GNG4: variants seen among roughly 807,000 people sequenced by gnomAD.
GNG4 encodes the protein guanine nucleotide-binding protein G(I)/G(S)/G(O) subunit gamma-4.
A neutral mutation model predicts 5.8 loss-of-function variants in GNG4; 4 were observed. The observed-to-expected ratio is 0.69, with a 90% CI of 0.34 to 1.57. GNG4 has a LOEUF of 1.57. GNG4 is among the 40% of genes most tolerant of loss of function. The pLI is 0.06. For missense variants in GNG4, 96 were observed against 95.1 expected, an observed-to-expected ratio of 1.01 and a Z score of -0.04; for synonymous variants, 29 against 32.9, an observed-to-expected ratio of 0.88 and a Z score of 0.41.
rs1029682777 is a variant in GNG4 at position 235,649,234 on chromosome 1, C to A, written c.-123+428G>T. ...GCCAGAAACATTTCCCCAAAGAAAA[C>A]GCCCAACCAGCCACGCCATCTCCTG... is the stretch of plus-strand genomic sequence containing the variant. On this transcript the variant is annotated intron_variant, in intron 1 of 3. Coordinates refer to ENST00000391854, the MANE Select transcript of GNG4 (RefSeq NM_001098722.2). This position sits in a 1 kb window ranked among gnomAD's most constrained non-coding sequence, Gnocchi z 5.7. 6.6e-6 allele frequency among the ~76,000 whole-genome samples: 1 copy of A among 152,216 alleles called. No individual in the cohort carries two copies. The highest frequency in any genetic ancestry group is 1.5e-5 in the Non-Finnish European group (1 of 68,032).
At chr1:235,578,978 TC>T (rs1400879620) in intron 3 of GNG4, among the ~76,000 whole-genome samples, 2 of 151,308 alleles carry the variant, frequency 1.3e-5, no homozygotes, top group African/African-American at 2.4e-5. Flanking sequence ...ACACTTGTAA[TC>T]CCAGCTACTT....
At chr1:235,578,793 G>C (rs960632117) in intron 3 of GNG4, among the ~76,000 whole-genome samples, 2 of 152,096 alleles carry the variant, frequency 1.3e-5, no homozygotes, top group Non-Finnish European at 2.9e-5. Context: ...GAGAGATGTT[G>C]GTCAAAGGAC....
intron 1 of GNG4, among the ~76,000 whole-genome samples, chr1:235,625,890 AT>A (rs1250300140): frequency 6.6e-6 from 1 of 152,232 alleles, no homozygotes; most frequent in Non-Finnish European, 1.5e-5. Context: ...TAAAGCTGCT[AT>A]AAACATCTGT....
intron 1 of GNG4, among the ~76,000 whole-genome samples, chr1:235,618,872 T>C (rs968499415): frequency 1.3e-5 from 2 of 151,346 alleles, no homozygotes; most frequent in Non-Finnish European, 2.9e-5. Context: ...GCCGGGCTGG[T>C]CTCGAACTCC....
intron 1 of GNG4, among the ~76,000 whole-genome samples, chr1:235,634,363 G>C (rs1047985899): frequency 1.1e-4 from 17 of 152,194 alleles, no homozygotes; most frequent in African/African-American, 4.1e-4. Flanking sequence ...GGAGACAAAG[G>C]CTTCCTGGGG....
intron 3 of GNG4, chr1:235,566,520 G>A (rs559559683): frequency 5.0e-5 from 8 of 159,684 alleles, no homozygotes; most frequent in Middle Eastern, 3.0e-3. Context: ...ATTATGGTGA[G>A]TATGTAATAA....
intron 1 of GNG4, among the ~76,000 whole-genome samples, chr1:235,630,288 A>G (rs976812514): frequency 6.6e-6 from 1 of 152,196 alleles, no homozygotes; most frequent in Non-Finnish European, 1.5e-5. Context: ...TTGTGGGACT[A>G]TTTCAGAAAG....
At chr1:235,620,524 GTT>G (rs926198304) in intron 1 of GNG4, among the ~76,000 whole-genome samples, 1 of 134,750 alleles carries the variant, frequency 7.4e-6, no homozygotes, top group African/African-American at 3.4e-5. Context: ...TGAATGTGCA[GTT>G]TGTTTGTTTG....
chr1:235,617,218 A>G (rs1419128884), intron 1 of GNG4, among the ~76,000 whole-genome samples: 8 of 152,192 alleles, frequency 5.3e-5, no homozygotes, highest in Non-Finnish European at 7.3e-5. Context: ...CTCTTCTTAC[A>G]GAGAAGATGC....
rs557062945 is a variant in GNG4 at position 235,557,774 on chromosome 1, A to G, written c.100-5537T>C. On this transcript the variant is annotated intron_variant, in intron 3 of 3. Coordinates refer to ENST00000391854, the MANE Select transcript of GNG4 (RefSeq NM_001098722.2). ...AGCATTAAAGGAGTGGGCTCAAAAA[A>G]TGTCGGGGCTTCGGGGGACAGCTCA... is the stretch of plus-strand genomic sequence containing the variant. 4.6e-5 allele frequency among the ~76,000 whole-genome samples: 7 copies of G among 152,316 alleles called. No individual in the cohort carries two copies. The South Asian group carries it at 1.4e-3, about 32-fold the overall frequency.
At chr1:235,637,378 C>T (rs971497195) in intron 1 of GNG4, among the ~76,000 whole-genome samples, 1 of 152,116 alleles carries the variant, frequency 6.6e-6, no homozygotes, top group Non-Finnish European at 1.5e-5. Context: ...TGAGGCTGGG[C>T]GCGGTGGCTC....
rs1044044324 is a variant in GNG4 at position 235,642,662 on chromosome 1, T to A, written c.-123+7000A>T. Among the ~76,000 whole-genome samples the A allele has an allele frequency of 6.6e-6, 1 of 152,040 alleles. No homozygotes were observed. Among genetic ancestry groups the A allele is most frequent in the African/African-American group, 2.4e-5 (1 of 41,412 alleles). ...GTCTCTTTTAAGGGAATCCTATGCATGAAAGTCTGTGTAAGAAAGGGTGTG... is the reference window on the plus strand; with the variant it reads ...GTCTCTTTTAAGGGAATCCTATGCAAGAAAGTCTGTGTAAGAAAGGGTGTG... On this transcript the variant is annotated intron_variant, in intron 1 of 3. Coordinates refer to ENST00000391854, the MANE Select transcript of GNG4 (RefSeq NM_001098722.2). This position sits in a 1 kb window ranked among gnomAD's most constrained non-coding sequence, Gnocchi z 4.3.
intron 1 of GNG4, among the ~76,000 whole-genome samples, chr1:235,608,535 C>T (rs1688410966): frequency 6.6e-6 from 1 of 152,200 alleles, no homozygotes; most frequent in Admixed American, 6.5e-5. Flanking sequence ...TCACTTCCCG[C>T]TCCTCCCAGA....
chr1:235,623,042 G>A (rs1024097394), intron 1 of GNG4, among the ~76,000 whole-genome samples: 3 of 151,656 alleles, frequency 2.0e-5, no homozygotes, highest in African/African-American at 7.3e-5. Flanking sequence ...TCTGTTTCAA[G>A]AAAAAAATAA....
At chr1:235,612,770 G>A (rs1322901360) in intron 1 of GNG4, among the ~76,000 whole-genome samples, 1 of 152,146 alleles carries the variant, frequency 6.6e-6, no homozygotes, top group African/African-American at 2.4e-5. Flanking sequence ...TGATCCACCC[G>A]CCTTGGCCTC....
chr1:235,601,091 A>T (rs1223412230), intron 1 of GNG4, among the ~76,000 whole-genome samples: 1 of 152,198 alleles, frequency 6.6e-6, no homozygotes, highest in African/African-American at 2.4e-5. Context: ...AAGGGTAATG[A>T]CCCAGAGTCA....
chr1:235,596,825 C>T (rs918041065), intron 1 of GNG4, among the ~76,000 whole-genome samples: 2 of 151,862 alleles, frequency 1.3e-5, no homozygotes, highest in Non-Finnish European at 2.9e-5. Context: ...TGGGCTCAAA[C>T]GAGCCTGCCA....
chr1:235,613,400 T>A (rs534365068), intron 1 of GNG4, among the ~76,000 whole-genome samples: 1 of 152,250 alleles, frequency 6.6e-6, no homozygotes, highest in African/African-American at 2.4e-5. Context: ...GGGTTTTAGG[T>A]TGCAGATGCA....
chr1:235,579,140 AG>A (rs1473368481), intron 3 of GNG4, among the ~76,000 whole-genome samples: 3 of 151,954 alleles, frequency 2.0e-5, no homozygotes, highest in Admixed American at 6.6e-5. Context: ...TAAATTCGAG[AG>A]GTTTATTGCA....
Sources: allele counts gnomAD v4.1 joint callset (sites outside exome capture counted in the v4.1 genomes callset), GRCh38; gene constraint gnomAD v4.1.1; non-coding constraint Gnocchi (gnomAD v3.1); transcripts MANE v1.5; gene names NCBI Gene and HGNC (gene_info 2026-07-23, HGNC 2026-07-21).